The following TVP23A variants were observed in gnomAD, a reference collection of about 807,000 sequenced individuals.
TVP23A encodes Golgi apparatus membrane protein TVP23 homolog A.
Under a neutral mutation model 31.7 loss-of-function variants are expected in TVP23A, and 21 were observed. The observed-to-expected ratio is 0.66, with a 90% CI of 0.47 to 0.95. The LOEUF (loss-of-function observed/expected upper bound fraction) is 0.95. Ranked by LOEUF, TVP23A falls within the 40% of genes least tolerant of loss-of-function variation. The pLI, the probability that TVP23A is intolerant of heterozygous loss-of-function variation, is 0.00. For missense variants in TVP23A, 279 were observed against 255.6 expected, an observed-to-expected ratio of 1.09 and a Z score of -0.62; for synonymous variants, 104 against 96.0, an observed-to-expected ratio of 1.08 and a Z score of -0.49.
chr16:10,802,918 TA>T (rs1475540281), intron 2 of TVP23A, among the ~76,000 whole-genome samples: 1 of 152,236 alleles, frequency 6.6e-6, no homozygotes, highest in Non-Finnish European at 1.5e-5. Flanking sequence ...GATACAGAAT[TA>T]AGTTTATGGT....
At chr16:10,759,402 G>A (rs1900789710), downstream of TVP23A, among the ~76,000 whole-genome samples, 1 of 152,248 alleles carries the variant, frequency 6.6e-6, no homozygotes, top group South Asian at 2.1e-4. This position sits in a 1 kb window ranked among gnomAD's most constrained non-coding sequence, Gnocchi z 4.7. Flanking sequence ...TGGACAGGAG[G>A]GAGGATGGCC....
rs1368274552 is a variant in TVP23A, at chr16:10,767,032, G to A, written c.*2070C>T. 1.0e-5 allele frequency: 4 copies of A among 398,570 alleles called. No individual in the cohort carries two copies. Among genetic ancestry groups the A allele is most frequent in the South Asian group, 2.5e-4 (2 of 7,848 alleles). The allele number at this position is 398,570 out of a possible 1,614,324, so 24.7% of individuals were successfully genotyped here. On this transcript the variant is annotated 3_prime_UTR_variant, in exon 8 of 8. Coordinates refer to ENST00000299866, the MANE Select transcript of TVP23A (RefSeq NM_001079512.4). This position sits in a 1 kb window ranked among gnomAD's most constrained non-coding sequence, Gnocchi z 4.6. ...CTTGGACTTCCCTGTCCCACAGGGC[G>A]ACACAGTAGTGAAGTTGAGGAAATG...
chr16:10,818,366 G>C lies in TVP23A; in HGVS notation c.9+119C>G. 6.8e-7 allele frequency: 1 copy of C among 1,465,154 alleles called. No homozygotes were observed. The highest frequency in any genetic ancestry group is 9.2e-7 in the Non-Finnish European group (1 of 1,081,586). The allele number at this position is 1,465,154 out of a possible 1,614,324, so 90.8% of individuals were successfully genotyped here. ...AGCCCTCTCCACCCTCCCGACCACC[G>C]GGTGCAGCCCAGCCCCAGGCCCCGG... On this transcript the variant is annotated intron_variant, in intron 1 of 7. Transcript: ENST00000299866. This position sits in a 1 kb window ranked among gnomAD's most constrained non-coding sequence, Gnocchi z 4.7.
At chr16:10,781,624 C>T (rs1196959284) in intron 2 of TVP23A, among the ~76,000 whole-genome samples, 1 of 152,158 alleles carries the variant, frequency 6.6e-6, no homozygotes, top group African/African-American at 2.4e-5. Flanking sequence ...GACCTGGACA[C>T]ATGAATTTCA....
intron 2 of TVP23A, among the ~76,000 whole-genome samples, chr16:10,793,199 G>C (rs1397991141): frequency 6.6e-6 from 1 of 152,134 alleles, no homozygotes; most frequent in African/African-American, 2.4e-5. Flanking sequence ...TGAGGCAGGA[G>C]AATCGCTTGG....
Position 10,767,780 on chromosome 16 carries a change from G to A in TVP23A, c.*1322C>T, listed in dbSNP as rs2031114973. On this transcript the variant is annotated 3_prime_UTR_variant, in exon 8 of 8. Coordinates refer to ENST00000299866, the MANE Select transcript of TVP23A (RefSeq NM_001079512.4). This position sits in a 1 kb window ranked among gnomAD's most constrained non-coding sequence, Gnocchi z 4.6. ...GAAATGCTGGCTGGGGACCCTGCTG[G>A]AAGGAAGGTCCCTGAGACCCCACTG... The A allele has an allele frequency of 1.6e-6, 1 of 619,978 alleles. No individual in the cohort carries two copies. Among genetic ancestry groups the A allele is most frequent in the Non-Finnish European group, 2.8e-6 (1 of 352,056 alleles). 38.4% of individuals were successfully genotyped at this position (619,978 alleles called of 1,614,324 possible).
At chr16:10,802,871 G>A (rs1269205750) in intron 2 of TVP23A, among the ~76,000 whole-genome samples, 3 of 152,160 alleles carry the variant, frequency 2.0e-5, no homozygotes, top group Non-Finnish European at 4.4e-5. Context: ...ACATAATCAC[G>A]AATGCTAAAT....
intron 2 of TVP23A, among the ~76,000 whole-genome samples, chr16:10,775,744 C>CTTTTTTT (rs1004091841): frequency 1.3e-4 from 12 of 94,514 alleles, no homozygotes; most frequent in African/African-American, 1.8e-4. Context: ...AATTGCTTTT[C>CTTTTTTT]TTTTTTTTTT....
In TVP23A at chr16:10,768,035, A is replaced by G. The variant is rs145538631; in HGVS notation, c.*1067T>C. The G allele has an allele frequency of 9.3e-6, 15 of 1,613,690 alleles. No individual in the cohort carries two copies. Among genetic ancestry groups the G allele is most frequent in the Middle Eastern group, 1.6e-4 (1 of 6,062 alleles). On this transcript the variant is annotated 3_prime_UTR_variant, in exon 8 of 8. Coordinates refer to ENST00000299866, the MANE Select transcript of TVP23A (RefSeq NM_001079512.4). The surrounding 1 kb of genome is among the most constrained non-coding windows in gnomAD (Gnocchi z 4.3). ...AGCCTACAGAAGTATAATTCAGAGT[A>G]AGTATTTCCATGAGTACTAAATGCA...
chr16:10,774,722 T>C (rs927662851), intron 3 of TVP23A, among the ~76,000 whole-genome samples: 12 of 151,886 alleles, frequency 7.9e-5, no homozygotes, highest in Admixed American at 7.9e-4. Flanking sequence ...GTGATTCTTC[T>C]GCCTCAGCCT....
At position 10,787,550 on chromosome 16, in the gene TVP23A, G is replaced by C. The variant is rs188294496; in HGVS notation, c.90-12454C>G. Among the ~76,000 whole-genome samples, 110 of 152,246 alleles carry C rather than the reference G, an allele frequency of 7.2e-4. 2 individuals are homozygous for C. The East Asian group carries it at 0.02, about 27-fold the overall frequency. ...CATTTGCATAATAAGATTAGGGTTG[G>C]GGGGGCAGCCTTCCGTGAGCGCTAT... On this transcript the variant is annotated intron_variant, in intron 2 of 7. Transcript: ENST00000299866.
At chr16:10,817,926 C>A (rs148315597) in intron 2 of TVP23A, among the ~76,000 whole-genome samples, 177 bp downstream of exon 2, 1 of 152,342 alleles carries the variant, frequency 6.6e-6, no homozygotes, top group Admixed American at 6.5e-5. Context: ...CTTCTTCCTC[C>A]CTCTCCCAAT....
rs985221806 is a variant in TVP23A at position 10,771,771 on chromosome 16, G to A, written c.481C>T (p.Gln161Ter). 1.3e-6 allele frequency: 2 copies of A among 1,588,582 alleles called. No individual in the cohort carries two copies. The highest frequency in any genetic ancestry group is 2.7e-5 in the African/African-American group (2 of 74,518). Residue 161 changes from glutamine to a stop codon, truncating the protein, a stop_gained, in exon 6 of 8, where the codon CAA becomes TAA. Coordinates refer to ENST00000299866, the MANE Select transcript of TVP23A (RefSeq NM_001079512.4). LOFTEE classifies it high-confidence loss of function. ...ATGTAGCCATACAGGTTTGCAGCTT[G>A]GAGAGAGATCCCAGCAACCACCAGA... is the stretch of plus-strand genomic sequence containing the variant. ...LALVVAGISL[Q>*]AANLYGYILC...
At chr16:10,769,852 C>CTGTT (rs2031422129) in intron 7 of TVP23A, among the ~76,000 whole-genome samples, 1 of 152,204 alleles carries the variant, frequency 6.6e-6, no homozygotes, top group Non-Finnish European at 1.5e-5. Flanking sequence ...GGTGCTTGCT[C>CTGTT]TGTTTGAGAC....
rs1486750583 is a variant in TVP23A, at chr16:10,818,520, C to T, written c.-27G>A. 6.2e-7 allele frequency: 1 copy of T among 1,600,568 alleles called. No individual in the cohort carries two copies. The highest frequency in any genetic ancestry group is 8.5e-7 in the Non-Finnish European group (1 of 1,177,914). ...ACCCTCCCAGGAGCCCACCTGGCGC[C>T]CAGGCCCGGGGCTCCAGCTCCGCCC... On this transcript the variant is annotated 5_prime_UTR_variant, in exon 1 of 8. Transcript: ENST00000299866. This position sits in a 1 kb window ranked among gnomAD's most constrained non-coding sequence, Gnocchi z 4.7.
At chr16:10,793,568 G>A (rs558474544) in intron 2 of TVP23A, among the ~76,000 whole-genome samples, 6 of 152,110 alleles carry the variant, frequency 3.9e-5, no homozygotes, top group Non-Finnish European at 5.9e-5. Flanking sequence ...TGCTGTAACA[G>A]AATATCATCA....
At chr16:10,812,378 AC>A in intron 2 of TVP23A, among the ~76,000 whole-genome samples, 1 of 152,340 alleles carries the variant, frequency 6.6e-6, no homozygotes, top group Non-Finnish European at 1.5e-5. Context: ...AAATAGAACT[AC>A]CATAGGATCC....
At position 10,777,033 on chromosome 16, in the gene TVP23A, A is replaced by G. The variant is rs2032074297; in HGVS notation, c.90-1937T>C. 1.3e-5 allele frequency among the ~76,000 whole-genome samples: 2 copies of G among 152,110 alleles called. No individual in the cohort carries two copies. The highest frequency in any genetic ancestry group is 4.8e-5 in the African/African-American group (2 of 41,414). On this transcript the variant is annotated intron_variant, in intron 2 of 7. Transcript: ENST00000299866. The surrounding 1 kb of genome is among the most constrained non-coding windows in gnomAD (Gnocchi z 4.5). ...CCTCCTATCTCATCCTGTGACTTAG[A>G]ATGCCTTAACCGTCCAGGAATGCAG...
At chr16:10,763,975 G>C (rs190261175), downstream of TVP23A, 856 of 137,188 alleles carry the variant, frequency 6.2e-3, 17 homozygotes, top group Admixed American at 0.038. Flanking sequence ...AGTATCTCAG[G>C]CCACGGGAGC....
Sources: gnomAD v4.1 joint callset for allele counts (sites outside exome capture counted in the v4.1 genomes callset) on GRCh38, gnomAD v4.1.1 for gene constraint, Gnocchi (gnomAD v3.1) non-coding constraint, MANE v1.5 for transcripts, NCBI Gene and HGNC (gene_info 2026-07-23, HGNC 2026-07-21) for gene names.